Variants in HAO1 observed in about 807,000 individuals in gnomAD.
HAO1 encodes the protein hydroxyacid oxidase 1, also known as 2-Hydroxyacid oxidase 1.
Under a neutral mutation model 39.7 loss-of-function variants are expected in HAO1, and 34 were observed. That is an observed-to-expected ratio of 0.86 (90% CI 0.65 to 1.14). HAO1 has a LOEUF of 1.14. Among genes scored for constraint, HAO1 ranks in the 50% most tolerant of loss-of-function variants. The pLI is 0.00. For missense variants in HAO1, 479 were observed against 464.5 expected, an observed-to-expected ratio of 1.03 and a Z score of -0.29; for synonymous variants, 172 against 173.2, an observed-to-expected ratio of 0.99 and a Z score of 0.05.
At chr20:7,886,140 A>T (rs2050150249) in intron 5 of HAO1, among the ~76,000 whole-genome samples, 1 of 152,146 alleles carries the variant, frequency 6.6e-6, no homozygotes, top group Non-Finnish European at 1.5e-5. Flanking sequence ...TTGTCATCAA[A>T]AAATTATAAA....
chr20:7,888,657 C>T (rs915845374), intron 5 of HAO1, among the ~76,000 whole-genome samples: 3 of 152,156 alleles, frequency 2.0e-5, no homozygotes, highest in African/African-American at 7.2e-5. Context: ...GGTTCATATA[C>T]ATTTTGCTGA....
In HAO1 at chr20:7,895,594, C is replaced by CAAAAAAA. The variant is rs775878126; in HGVS notation, c.722-377_722-371dup. 4.1e-4 allele frequency among the ~76,000 whole-genome samples: 51 copies of CAAAAAAA among 123,794 alleles called. 1 individual carries two copies. Among genetic ancestry groups the CAAAAAAA allele is most frequent in the Admixed American group, 3.6e-3 (45 of 12,406 alleles). 81.2% of individuals were successfully genotyped at this position (123,794 alleles called of 152,430 possible). ...ATTATTCCTCAACAATTTGGATAGCCAAAAAAAAAAAAAACATAAAAATGT... is the reference window on the plus strand; with the variant it reads ...ATTATTCCTCAACAATTTGGATAGCCAAAAAAAAAAAAAAAAAAAAACATAAAAATGT... On this transcript the variant is annotated intron_variant, in intron 4 of 7. Transcript: ENST00000378789.
At position 7,910,916 on chromosome 20, in the gene HAO1, C is replaced by T. The variant is rs182870011; in HGVS notation, c.545+3248G>A. On this transcript the variant is annotated intron_variant, in intron 3 of 7. Transcript: ENST00000378789. The stretch of plus-strand genomic sequence containing the variant: ...CACCCTGTTATCTTGCTCATATTTG[C>T]ATCTCTACCATCAATTTTTATTGTG... Among the ~76,000 whole-genome samples, 3 of 152,266 alleles carry T rather than the reference C, an allele frequency of 2.0e-5. No individual in the cohort carries two copies. In the East Asian group the frequency reaches 5.8e-4, roughly 29 times the overall value.
chr20:7,937,567 A>T (rs1006834612), intron 1 of HAO1, among the ~76,000 whole-genome samples: 1 of 152,198 alleles, frequency 6.6e-6, no homozygotes, highest in African/African-American at 2.4e-5. Flanking sequence ...CTCAATAGGT[A>T]ACGCAGCAGA....
intron 5 of HAO1, among the ~76,000 whole-genome samples, chr20:7,890,330 C>T (rs765584145): frequency 6.6e-6 from 1 of 152,050 alleles, no homozygotes; most frequent in African/African-American, 2.4e-5. Context: ...TCTCCTGCCT[C>T]GGCCTCCCAA....
intron 5 of HAO1, among the ~76,000 whole-genome samples, chr20:7,886,536 T>C (rs973989087): frequency 5.3e-5 from 8 of 152,200 alleles, no homozygotes; most frequent in African/African-American, 1.9e-4. Context: ...AAATTCATAC[T>C]CAGATAATAG....
intron 5 of HAO1, among the ~76,000 whole-genome samples, chr20:7,892,761 T>C (rs1328638235): frequency 6.6e-6 from 1 of 152,114 alleles, no homozygotes; most frequent in Non-Finnish European, 1.5e-5. Flanking sequence ...GATAGATAGA[T>C]AGGTAGATAG....
intron 2 of HAO1, among the ~76,000 whole-genome samples, chr20:7,923,669 A>C (rs2050345112): frequency 6.6e-6 from 1 of 152,132 alleles, no homozygotes; most frequent in Non-Finnish European, 1.5e-5. Context: ...AACCAACAGG[A>C]ACTTTCATCC....
intron 2 of HAO1, among the ~76,000 whole-genome samples, chr20:7,923,005 A>C (rs2050341835): frequency 6.6e-6 from 1 of 152,144 alleles, no homozygotes. Flanking sequence ...GAGTTAAATC[A>C]CATGTCCTAG....
intron 2 of HAO1, among the ~76,000 whole-genome samples, chr20:7,931,151 G>T (rs1050778429): frequency 6.6e-6 from 1 of 152,104 alleles, no homozygotes; most frequent in African/African-American, 2.4e-5. Context: ...ACCCAATGGA[G>T]GACCCTATGT....
chr20:7,919,531 T>A (rs2050321737), intron 2 of HAO1, among the ~76,000 whole-genome samples: 1 of 152,136 alleles, frequency 6.6e-6, no homozygotes, highest in Non-Finnish European at 1.5e-5. Flanking sequence ...GAGATAAAAC[T>A]TTCATTTCAG....
At chr20:7,883,954 C>T (rs942417373) in intron 7 of HAO1, among the ~76,000 whole-genome samples, 6 of 152,280 alleles carry the variant, frequency 3.9e-5, no homozygotes, top group African/African-American at 9.6e-5. Context: ...AATTAAAATG[C>T]ATAGTGAGGA....
rs187305458 is a variant in HAO1 at position 7,903,627 on chromosome 20, G to A, written c.721+2527C>T. 1.3e-3 allele frequency among the ~76,000 whole-genome samples: 190 copies of A among 151,526 alleles called. 2 individuals are homozygous for A. The highest frequency in any genetic ancestry group is 9.2e-3 in the South Asian group (44 of 4,766). ...GGTGGTGGTCATAGTGGTGATGGGA[G>A]TGGTGATGGTGGTGGTGATGATAGC... On this transcript the variant is annotated intron_variant, in intron 4 of 7. Coordinates refer to ENST00000378789, the MANE Select transcript of HAO1 (RefSeq NM_017545.3).
intron 5 of HAO1, among the ~76,000 whole-genome samples, chr20:7,892,911 TA>T (rs2050180583): frequency 6.6e-6 from 1 of 152,192 alleles, no homozygotes; most frequent in Admixed American, 6.5e-5. Context: ...GTTTAAATTT[TA>T]AAAGATGAAG....
At chr20:7,936,942 A>G (rs765443662) in intron 1 of HAO1, among the ~76,000 whole-genome samples, 14 of 152,120 alleles carry the variant, frequency 9.2e-5, no homozygotes, top group Non-Finnish European at 1.8e-4. Flanking sequence ...CCACAATCAT[A>G]CATAAAATAG....
rs1309395459 is a variant in HAO1, at chr20:7,940,361, T to C, written c.62A>G (p.Lys21Arg). ...AGACCTGTAATAGTCATATATAGAC[T>C]TTGGAAGTACTGATTTAGCATGTTG... Reference protein sequence around the residue: ...YEQHAKSVLPKSIYDYYRSGA... With the variant: ...YEQHAKSVLPRSIYDYYRSGA... Residue 21 changes from lysine (K) to arginine (R), a missense_variant, in exon 1 of 8, where the codon AAG becomes AGG. Physicochemically the swap from Lys to Arg is conservative, Grantham distance 26. Transcript: ENST00000378789. 1.2e-6 allele frequency: 2 copies of C among 1,612,506 alleles called. No homozygotes were observed. Among genetic ancestry groups the C allele is most frequent in the Non-Finnish European group, 1.7e-6 (2 of 1,179,052 alleles).
chr20:7,916,442 G>A (rs2122779728), intron 2 of HAO1, among the ~76,000 whole-genome samples: 1 of 152,256 alleles, frequency 6.6e-6, no homozygotes, highest in Non-Finnish European at 1.5e-5. Context: ...TGCTTATAAA[G>A]CTATAATGAG....
intron 2 of HAO1, among the ~76,000 whole-genome samples, chr20:7,915,138 T>A (rs971378248): frequency 2.0e-5 from 3 of 152,096 alleles, no homozygotes; most frequent in African/African-American, 7.2e-5. Context: ...AATAATATTA[T>A]TATGATAATC....
chr20:7,898,991 T>C (rs2050209659), intron 4 of HAO1, among the ~76,000 whole-genome samples: 1 of 152,098 alleles, frequency 6.6e-6, no homozygotes, highest in Admixed American at 6.6e-5. Context: ...CAATGGTATT[T>C]TTTCAAACCT....
Sources: gnomAD v4.1 joint callset for allele counts (sites outside exome capture counted in the v4.1 genomes callset) on GRCh38, gnomAD v4.1.1 for gene constraint, MANE v1.5 for transcripts, NCBI Gene and HGNC (gene_info 2026-07-23, HGNC 2026-07-21) for gene names.